Variants in SLC10A7 observed in about 807,000 individuals in gnomAD.
SLC10A7 encodes solute carrier family 10 member 7.
SLC10A7 carries 29 observed loss-of-function variants against 43.2 expected under a neutral mutation model. That is an observed-to-expected ratio of 0.67 (90% confidence interval 0.50 to 0.92). The LOEUF (loss-of-function observed/expected upper bound fraction) is 0.92, where lower values mean the gene tolerates loss of function less well. SLC10A7 is among the 40% of genes least tolerant of loss of function. The pLI, the probability that SLC10A7 is intolerant of heterozygous loss-of-function variation, is 0.00. For missense variants in SLC10A7, 295 were observed against 403.2 expected (o/e 0.73, Z 2.30); for synonymous variants, 152 against 144.8 (o/e 1.05, Z -0.35).
chr4:146,319,327 T>G (rs1732537489), intron 6 of SLC10A7, among the ~76,000 whole-genome samples: 1 of 152,076 alleles, frequency 6.6e-6, no homozygotes, highest in Admixed American at 6.6e-5. Flanking sequence ...GAACACTCTA[T>G]CCCTAGAAGG....
chr4:146,486,441 C>T (rs1282065013), intron 4 of SLC10A7, among the ~76,000 whole-genome samples: 1 of 152,070 alleles, frequency 6.6e-6, no homozygotes, highest in East Asian at 1.9e-4. Flanking sequence ...TTTATATGAC[C>T]TAGTCAATAG....
intron 5 of SLC10A7, among the ~76,000 whole-genome samples, chr4:146,405,328 C>T (rs1206549763): frequency 1.3e-5 from 2 of 152,118 alleles, no homozygotes; most frequent in Admixed American, 1.3e-4. Context: ...CCTTATATGT[C>T]AATTCCTCCT....
chr4:146,322,328 A>T lies in SLC10A7; in HGVS notation c.471+3633T>A, dbSNP rs552390835. 2.6e-5 allele frequency among the ~76,000 whole-genome samples: 4 copies of T among 151,428 alleles called. No homozygotes were observed. The South Asian group carries it at 8.4e-4, about 32-fold the overall frequency. Reference sequence around the variant, plus strand: ...GTTGGTGTGCTACACCCATTAACTCATCATTTACATTAGGTATATCTCCTA... The same window carrying T: ...GTTGGTGTGCTACACCCATTAACTCTTCATTTACATTAGGTATATCTCCTA... On this transcript the variant is annotated intron_variant, in intron 6 of 11. Transcript: ENST00000335472.
intron 5 of SLC10A7, among the ~76,000 whole-genome samples, chr4:146,326,199 C>T (rs1733092299): frequency 6.6e-6 from 1 of 152,156 alleles, no homozygotes; most frequent in Non-Finnish European, 1.5e-5. Flanking sequence ...ATTTGGCAGC[C>T]TGAAAGCACA....
chr4:146,361,745 G>T (rs60404214), intron 5 of SLC10A7, among the ~76,000 whole-genome samples: 8 of 152,178 alleles, frequency 5.3e-5, no homozygotes, highest in African/African-American at 1.7e-4. Context: ...ACTAAATAAG[G>T]CACCAGTGAC....
intron 4 of SLC10A7, among the ~76,000 whole-genome samples, chr4:146,490,009 C>G (rs535312017): frequency 6.6e-6 from 1 of 151,766 alleles, no homozygotes; most frequent in Admixed American, 6.6e-5. Flanking sequence ...CATAATTCCT[C>G]CAACAAAAAT....
At chr4:146,430,179 C>G (rs763898985) in intron 5 of SLC10A7, among the ~76,000 whole-genome samples, 1 of 151,820 alleles carries the variant, frequency 6.6e-6, no homozygotes, top group African/African-American at 2.4e-5. Context: ...GGTGGATCAA[C>G]AGTTAACATG....
At chr4:146,441,501 T>G (rs1387883610) in intron 5 of SLC10A7, among the ~76,000 whole-genome samples, 1 of 152,196 alleles carries the variant, frequency 6.6e-6, no homozygotes, top group Admixed American at 6.5e-5. Flanking sequence ...TGATAGTGGA[T>G]GTGTATGGTG....
At chr4:146,293,649 C>T (rs960285414) in intron 8 of SLC10A7, among the ~76,000 whole-genome samples, 2 of 152,104 alleles carry the variant, frequency 1.3e-5, no homozygotes, top group Non-Finnish European at 2.9e-5. Flanking sequence ...CTTAATCTAA[C>T]ATTTGCATCT....
intron 4 of SLC10A7, among the ~76,000 whole-genome samples, chr4:146,473,799 A>G (rs1298397090): frequency 6.6e-6 from 1 of 152,146 alleles, no homozygotes; most frequent in East Asian, 1.9e-4. Context: ...AAACAAAAGT[A>G]CATTTTCCTA....
At chr4:146,322,856 T>C (rs546021849) in intron 6 of SLC10A7, among the ~76,000 whole-genome samples, 5 of 152,314 alleles carry the variant, frequency 3.3e-5, no homozygotes, top group Admixed American at 2.0e-4. Context: ...AAAATGTTCC[T>C]ATTTCTCCAT....
chr4:146,485,400 G>A (rs1734824559), intron 4 of SLC10A7, among the ~76,000 whole-genome samples: 1 of 152,158 alleles, frequency 6.6e-6, no homozygotes, highest in South Asian at 2.1e-4. Flanking sequence ...GCAGCAGCAA[G>A]CTTTGGAATG....
intron 5 of SLC10A7, among the ~76,000 whole-genome samples, chr4:146,356,722 G>C (rs1359876306): frequency 6.6e-6 from 1 of 152,032 alleles, no homozygotes; most frequent in Non-Finnish European, 1.5e-5. Flanking sequence ...CCCCAACTAA[G>C]CTCTACAAGG....
At chr4:146,278,501 C>A (rs1221406375) in intron 10 of SLC10A7, among the ~76,000 whole-genome samples, 1 of 152,038 alleles carries the variant, frequency 6.6e-6, no homozygotes, top group Non-Finnish European at 1.5e-5. Flanking sequence ...AAATGGAAAA[C>A]AAGATCCTTT....
intron 5 of SLC10A7, among the ~76,000 whole-genome samples, chr4:146,408,963 G>A (rs1727935106): frequency 6.6e-6 from 1 of 151,962 alleles, no homozygotes; most frequent in Admixed American, 6.6e-5. Flanking sequence ...GCAGCTAAGT[G>A]GAAATTCCAA....
chr4:146,394,640 A>G (rs966520909), intron 5 of SLC10A7, among the ~76,000 whole-genome samples: 2 of 152,032 alleles, frequency 1.3e-5, no homozygotes, highest in Non-Finnish European at 2.9e-5. Context: ...AGGATTACAA[A>G]CCTGAACCAC....
chr4:146,386,740 T>C (rs920122411), intron 5 of SLC10A7, among the ~76,000 whole-genome samples: 2 of 152,194 alleles, frequency 1.3e-5, no homozygotes, highest in African/African-American at 4.8e-5. Flanking sequence ...CTTTAACCCA[T>C]AAAACGTACT....
intron 2 of SLC10A7, among the ~76,000 whole-genome samples, chr4:146,516,754 A>G (rs953192116): frequency 2.2e-4 from 33 of 152,234 alleles, no homozygotes; most frequent in African/African-American, 7.7e-4. Flanking sequence ...AGTTACCACC[A>G]TAAGTTGAGG....
intron 4 of SLC10A7, among the ~76,000 whole-genome samples, chr4:146,485,242 A>G (rs571376771): frequency 3.3e-5 from 5 of 152,176 alleles, no homozygotes; most frequent in Non-Finnish European, 7.3e-5. Flanking sequence ...TTTTAGTTAG[A>G]GATACAGCTG....
Sources: gnomAD v4.1 joint callset for allele counts (sites outside exome capture counted in the v4.1 genomes callset) on GRCh38, gnomAD v4.1.1 for gene constraint, MANE v1.5 for transcripts, NCBI Gene and HGNC (gene_info 2026-07-23, HGNC 2026-07-21) for gene names.